ELAPOR2: variants seen among roughly 807,000 people sequenced by gnomAD.
ELAPOR2 encodes endosome/lysosome-associated apoptosis and autophagy regulator family member 2.
A neutral mutation model predicts 120.7 loss-of-function variants in ELAPOR2; 89 were observed. That is an observed-to-expected ratio of 0.74 (90% CI 0.62 to 0.88). The LOEUF (loss-of-function observed/expected upper bound fraction) is 0.88. Among genes scored for constraint, ELAPOR2 ranks in the 40% least tolerant of loss-of-function variants. ELAPOR2 has a pLI of 0.00. For missense variants in ELAPOR2, 1,134 were observed against 1,251.6 expected (o/e 0.91, Z 1.42); for synonymous variants, 444 against 444.9 (o/e 1.00, Z 0.03).
chr7:86,911,998 C>A (rs1789334560), intron 15 of ELAPOR2, 74 bp downstream of exon 15: 1 of 1,398,772 alleles, frequency 7.1e-7, no homozygotes, highest in South Asian at 1.3e-5. Flanking sequence ...ATTTATTGGT[C>A]CATTAACACA....
intron 1 of ELAPOR2, among the ~76,000 whole-genome samples, chr7:87,046,355 T>C (rs1171074691): frequency 6.6e-6 from 1 of 152,164 alleles, no homozygotes; most frequent in Non-Finnish European, 1.5e-5. Context: ...AGAATATTGT[T>C]TAAATGTCCA....
intron 3 of ELAPOR2, among the ~76,000 whole-genome samples, chr7:86,947,204 ATTTTG>A (rs1215730144): frequency 6.6e-6 from 1 of 152,148 alleles, no homozygotes; most frequent in Non-Finnish European, 1.5e-5. Context: ...AAAGACAAAC[ATTTTG>A]TTTTGTTTTT....
At chr7:86,905,172 G>C (rs969718511) in intron 18 of ELAPOR2, among the ~76,000 whole-genome samples, 3 of 146,678 alleles carry the variant, frequency 2.0e-5, no homozygotes, top group African/African-American at 7.7e-5. Flanking sequence ...GAGAAAGAAA[G>C]AAAGAGAGAA....
rs564191365 is a variant in ELAPOR2, at chr7:86,969,326, T to C, written c.190-4302A>G. On this transcript the variant is annotated intron_variant, in intron 1 of 21. Transcript: ENST00000450689. ...CCAGGGAATCATCTCCCAATTCTCA[T>C]AACAATACTTACAGTTAAAATATAG... Among the ~76,000 whole-genome samples, 72 of 152,204 alleles carry C rather than the reference T, an allele frequency of 4.7e-4. 1 individual carries two copies. In the South Asian group the frequency reaches 8.1e-3, roughly 17 times the overall value.
At position 86,947,821 on chromosome 7, in the gene ELAPOR2, C is replaced by T; in HGVS notation, c.412G>A (p.Glu138Lys). Residue 138 changes from glutamate (E) to lysine (K), a missense_variant, in exon 3 of 22, where the codon GAA becomes AAA. Glu to Lys is a moderately conservative substitution (Grantham distance 56, BLOSUM62 1). Around this residue, in one of 3 missense-constraint regions of ELAPOR2, gnomAD observed 280 missense variants for 331.5 expected, o/e 0.84. Transcript: ENST00000450689. ...YSLGSGIKFD[E>K]WDELPAGFSN... ...AATCCTGCCGGCAATTCATCCCATTCATCAAATTTGATGCCACTGCCCAAG... is the reference window on the plus strand; with the variant it reads ...AATCCTGCCGGCAATTCATCCCATTTATCAAATTTGATGCCACTGCCCAAG... The T allele has an allele frequency of 6.4e-7, 1 of 1,552,028 alleles. No individual in the cohort carries two copies. The highest frequency in any genetic ancestry group is 8.7e-7 in the Non-Finnish European group (1 of 1,147,052).
intron 2 of ELAPOR2, among the ~76,000 whole-genome samples, chr7:86,952,965 G>A (rs922203543): frequency 4.0e-5 from 6 of 151,570 alleles, no homozygotes; most frequent in Non-Finnish European, 7.4e-5. Context: ...GCGAGGTGGC[G>A]CACACCTGTA....
chr7:87,024,844 C>G (rs933028276), intron 1 of ELAPOR2, among the ~76,000 whole-genome samples: 2 of 152,018 alleles, frequency 1.3e-5, no homozygotes, highest in African/African-American at 2.4e-5. Context: ...CCTCCCAAGA[C>G]TAAACCAGGA....
intron 12 of ELAPOR2, 68 bp from the exon 13 acceptor site, chr7:86,914,928 A>G (rs1789495806): frequency 8.5e-7 from 1 of 1,180,076 alleles, no homozygotes; most frequent in South Asian, 1.5e-5. Flanking sequence ...CTGTGTATAT[A>G]TTACAAATGT....
Position 87,025,092 on chromosome 7 carries a change from A to C in ELAPOR2, c.189+34233T>G, listed in dbSNP as rs1794200552. ...ACCAAGTCAGAATTATAGAAGGCTA[A>C]GACATTCTATGGTCCCTAAACCTTG... is the stretch of plus-strand genomic sequence containing the variant. On this transcript the variant is annotated intron_variant, in intron 1 of 21. Coordinates refer to ENST00000450689, the MANE Select transcript of ELAPOR2 (RefSeq NM_001142749.3). 2.0e-5 allele frequency among the ~76,000 whole-genome samples: 3 copies of C among 152,052 alleles called. No homozygotes were observed. In the South Asian group the frequency reaches 6.2e-4, roughly 31 times the overall value.
chr7:87,035,162 A>G (rs191036048), intron 1 of ELAPOR2, among the ~76,000 whole-genome samples: 11 of 152,242 alleles, frequency 7.2e-5, no homozygotes, highest in Admixed American at 2.0e-4. Flanking sequence ...CTCACCAGTT[A>G]CAGTAGGTAT....
At chr7:87,037,010 T>G (rs1262701246) in intron 1 of ELAPOR2, among the ~76,000 whole-genome samples, 2 of 152,132 alleles carry the variant, frequency 1.3e-5, no homozygotes. Context: ...CGGGTCTCCT[T>G]CCCATCAACC....
chr7:86,993,314 C>G (rs77091611), intron 1 of ELAPOR2, among the ~76,000 whole-genome samples: 2 of 150,784 alleles, frequency 1.3e-5, no homozygotes, highest in African/African-American at 4.9e-5. Flanking sequence ...GTGACTGGAA[C>G]CCAGAACTGA....
intron 1 of ELAPOR2, among the ~76,000 whole-genome samples, chr7:87,025,334 C>T (rs373174092): frequency 1.1e-4 from 17 of 151,802 alleles, no homozygotes; most frequent in Non-Finnish European, 1.9e-4. Context: ...TCAAGAGTAT[C>T]GAACAAAAAG....
At chr7:86,980,022 C>T (rs1044358874) in intron 1 of ELAPOR2, among the ~76,000 whole-genome samples, 3 of 152,112 alleles carry the variant, frequency 2.0e-5, no homozygotes, top group African/African-American at 7.2e-5. Context: ...GACAAGCTTG[C>T]TAGATATTCC....
At chr7:87,032,036 G>A (rs1467121051) in intron 1 of ELAPOR2, among the ~76,000 whole-genome samples, 1 of 152,136 alleles carries the variant, frequency 6.6e-6, no homozygotes, top group Non-Finnish European at 1.5e-5. Flanking sequence ...ACAGAGTGGA[G>A]GAAGGGTTAG....
chr7:86,941,533 A>G, intron 5 of ELAPOR2: 1 of 361,310 alleles, frequency 2.8e-6, no homozygotes, highest in East Asian at 7.4e-5. Context: ...GAGACAGCAC[A>G]GTACCCAACA....
intron 1 of ELAPOR2, among the ~76,000 whole-genome samples, chr7:86,972,775 C>A (rs1792150118): frequency 6.6e-6 from 1 of 151,690 alleles, no homozygotes; most frequent in African/African-American, 2.4e-5. Flanking sequence ...CCTGCCTTCC[C>A]AAAGGTGCCT....
At chr7:86,999,020 A>C (rs1793220889) in intron 1 of ELAPOR2, among the ~76,000 whole-genome samples, 1 of 152,068 alleles carries the variant, frequency 6.6e-6, no homozygotes, top group Non-Finnish European at 1.5e-5. Context: ...TATATTAGGT[A>C]AAGAAAAAAG....
At chr7:87,033,064 A>G (rs985101239) in intron 1 of ELAPOR2, among the ~76,000 whole-genome samples, 1 of 152,216 alleles carries the variant, frequency 6.6e-6, no homozygotes, top group Non-Finnish European at 1.5e-5. Context: ...TTCGATCAAT[A>G]GCCTCTAAGA....
Sources: gnomAD v4.1 joint callset for allele counts (sites outside exome capture counted in the v4.1 genomes callset) on GRCh38, gnomAD v4.1.1 for gene constraint, gnomAD v4.1.1 regional missense constraint, MANE v1.5 for transcripts, NCBI Gene and HGNC (gene_info 2026-07-23, HGNC 2026-07-21) for gene names.